Variants in PLEKHA7 observed in about 807,000 individuals in gnomAD.
PLEKHA7 encodes the protein pleckstrin homology domain containing A7.
PLEKHA7 carries 104 observed loss-of-function variants against 170.0 expected under a neutral mutation model. The observed-to-expected ratio is 0.61, with a 90% CI of 0.52 to 0.72. PLEKHA7 has a LOEUF of 0.72. Ranked by LOEUF, PLEKHA7 falls within the 30% of genes least tolerant of loss-of-function variation. The pLI is 0.00. For missense variants in PLEKHA7, 1,615 were observed against 1,671.7 expected (o/e 0.97, Z 0.59); for synonymous variants, 648 against 660.8 (o/e 0.98, Z 0.30).
intron 3 of PLEKHA7, among the ~76,000 whole-genome samples, chr11:16,966,950 A>G (rs1862410834): frequency 6.6e-6 from 1 of 152,172 alleles, no homozygotes; most frequent in South Asian, 2.1e-4. Context: ...AAGTGGCGAA[A>G]TGGTTCATCT....
At chr11:16,859,234 T>C (rs1385734320) in intron 4 of PLEKHA7, among the ~76,000 whole-genome samples, 1 of 152,188 alleles carries the variant, frequency 6.6e-6, no homozygotes, top group Non-Finnish European at 1.5e-5. Context: ...CACACACAGC[T>C]ACCCACTTGT....
intron 3 of PLEKHA7, among the ~76,000 whole-genome samples, chr11:16,921,922 T>C (rs1016619556): frequency 2.6e-5 from 4 of 152,270 alleles, no homozygotes; most frequent in Admixed American, 1.3e-4. Flanking sequence ...GGTATCCAGT[T>C]GCTCTTAGGA....
At chr11:16,940,309 CAG>C (rs1285547315) in intron 3 of PLEKHA7, among the ~76,000 whole-genome samples, 2 of 118,938 alleles carry the variant, frequency 1.7e-5, no homozygotes, top group South Asian at 2.8e-4. Flanking sequence ...TTTTTTGAGA[CAG>C]AGTCTTGCTC....
intron 3 of PLEKHA7, among the ~76,000 whole-genome samples, chr11:16,909,410 T>C (rs1413705662): frequency 6.6e-6 from 1 of 152,252 alleles, no homozygotes; most frequent in Non-Finnish European, 1.5e-5. Flanking sequence ...GGTAAAATTC[T>C]ATCCATAAAT....
chr11:16,871,972 CTTTT>C (rs139139631), intron 3 of PLEKHA7, among the ~76,000 whole-genome samples: 124 of 136,812 alleles, frequency 9.1e-4, no homozygotes, highest in Admixed American at 2.3e-3. Flanking sequence ...TAAATGTAGA[CTTTT>C]TTTTTTTTTT....
chr11:16,932,444 G>C (rs1237323103), intron 3 of PLEKHA7, among the ~76,000 whole-genome samples: 1 of 151,936 alleles, frequency 6.6e-6, no homozygotes, highest in Non-Finnish European at 1.5e-5. Flanking sequence ...ACCTCACCTG[G>C]CTAATTTTTC....
intron 3 of PLEKHA7, among the ~76,000 whole-genome samples, chr11:16,993,196 G>A (rs1864148845): frequency 6.6e-6 from 1 of 152,128 alleles, no homozygotes; most frequent in Non-Finnish European, 1.5e-5. Flanking sequence ...CAGTTCCAAA[G>A]GCCTCAGAGA....
intron 3 of PLEKHA7, among the ~76,000 whole-genome samples, chr11:16,939,056 T>C (rs1426455820): frequency 6.6e-6 from 1 of 152,210 alleles, no homozygotes; most frequent in Non-Finnish European, 1.5e-5. Flanking sequence ...AGAATCTTCC[T>C]AAATGGAGCA....
At position 16,782,798 on chromosome 11, in the gene PLEKHA7, TAGG is replaced by T; in HGVS notation, c.3746_3748del (p.Ser1249del). On this transcript the variant is annotated inframe_deletion, in exon 26 of 27. Coordinates refer to ENST00000531066, the MANE Select transcript of PLEKHA7 (RefSeq NM_001329630.2). Reference sequence around the variant, plus strand: ...CTGGGAGGCCTCGGAGGCCAGGGCGTAGGAGATGTTGATGATGCGCTCCTGCTC... The same window carrying T: ...CTGGGAGGCCTCGGAGGCCAGGGCGTAGATGTTGATGATGCGCTCCTGCTC... The T allele has an allele frequency of 2.6e-6, 4 of 1,536,090 alleles. No individual in the cohort carries two copies. The highest frequency in any genetic ancestry group is 1.2e-5 in the South Asian group (1 of 84,062).
At chr11:16,886,497 G>A (rs1424936193) in intron 3 of PLEKHA7, among the ~76,000 whole-genome samples, 1 of 152,184 alleles carries the variant, frequency 6.6e-6, no homozygotes, top group African/African-American at 2.4e-5. Context: ...GATCACCTGA[G>A]GTCAGGAGTT....
At chr11:16,941,513 CAT>C (rs1289324999) in intron 3 of PLEKHA7, among the ~76,000 whole-genome samples, 2 of 152,210 alleles carry the variant, frequency 1.3e-5, no homozygotes, top group Non-Finnish European at 2.9e-5. Flanking sequence ...ATCACTGACT[CAT>C]AGAATTTCTA....
At chr11:16,948,314 T>C (rs1266417909) in intron 3 of PLEKHA7, among the ~76,000 whole-genome samples, 1 of 152,202 alleles carries the variant, frequency 6.6e-6, no homozygotes, top group Non-Finnish European at 1.5e-5. Flanking sequence ...TGCTGATAGA[T>C]TTTAAGTGTT....
At chr11:16,851,652 T>C (rs1286982548) in intron 7 of PLEKHA7, among the ~76,000 whole-genome samples, 2 of 152,138 alleles carry the variant, frequency 1.3e-5, no homozygotes, top group Non-Finnish European at 2.9e-5. Context: ...TTTCACCATG[T>C]TAGCTAGGCT....
chr11:16,953,645 C>G (rs577994456), intron 3 of PLEKHA7, among the ~76,000 whole-genome samples: 6 of 151,948 alleles, frequency 3.9e-5, no homozygotes, highest in Non-Finnish European at 5.9e-5. Flanking sequence ...ATATTAGAGC[C>G]CTTTATTTAT....
intron 3 of PLEKHA7, among the ~76,000 whole-genome samples, chr11:16,943,960 T>C (rs138833413): frequency 1.3e-5 from 2 of 152,320 alleles, no homozygotes; most frequent in Non-Finnish European, 2.9e-5. Flanking sequence ...GTTTAGGGGA[T>C]GGGAAGAAAG....
intron 3 of PLEKHA7, among the ~76,000 whole-genome samples, chr11:16,882,701 T>C (rs1408596106): frequency 2.6e-5 from 4 of 152,206 alleles, no homozygotes; most frequent in Non-Finnish European, 5.9e-5. Context: ...TCAACACTTA[T>C]TAAAGCCCAA....
intron 3 of PLEKHA7, among the ~76,000 whole-genome samples, chr11:16,930,924 C>A (rs1264875577): frequency 1.3e-5 from 2 of 152,124 alleles, no homozygotes; most frequent in Non-Finnish European, 2.9e-5. Context: ...AGAAATGAGG[C>A]TCCCTGCCGC....
In PLEKHA7 at chr11:17,014,379, C is replaced by T; in HGVS notation, c.23G>A (p.Arg8Gln). 2 of 1,387,462 alleles carry T rather than the reference C, an allele frequency of 1.4e-6. No individual in the cohort carries two copies. The allele number at this position is 1,387,462 out of a possible 1,614,324, so 85.9% of individuals were successfully genotyped here. A position where few individuals can be genotyped will look rare whatever the true frequency, so the allele number is the denominator to read the frequency against. The part of the protein sequence containing the change: MAAATVG[R>Q]DTLPEHWSYG... The stretch of plus-strand genomic sequence containing the variant: ...GGACCAATGCTCAGGTAAAGTGTCC[C>T]GCCCGACCGTCGCCGCCGCCATGTT... Residue 8 changes from arginine to glutamine, a missense_variant, in exon 1 of 27, where the codon CGG becomes CAG. By Grantham distance (43) the Arg-to-Gln change is conservative (BLOSUM62 1). Transcript: ENST00000531066.
intron 4 of PLEKHA7, among the ~76,000 whole-genome samples, chr11:16,865,771 T>C (rs555385656): frequency 6.6e-6 from 1 of 152,312 alleles, no homozygotes; most frequent in South Asian, 2.1e-4. Flanking sequence ...AAGGTCCCAC[T>C]TCCCTTGATA....
Sources: allele counts gnomAD v4.1 joint callset (sites outside exome capture counted in the v4.1 genomes callset), GRCh38; gene constraint gnomAD v4.1.1; transcripts MANE v1.5; gene names NCBI Gene and HGNC (gene_info 2026-07-23, HGNC 2026-07-21).